Variants in EHMT1 observed in about 807,000 individuals in gnomAD.
EHMT1 encodes the protein histone-lysine N-methyltransferase EHMT1.
A neutral mutation model predicts 147.2 loss-of-function variants in EHMT1; 15 were observed. That is an observed-to-expected ratio of 0.10 (90% CI 0.07 to 0.16). EHMT1 has a LOEUF of 0.16. Among genes scored for constraint, EHMT1 ranks in the 10% least tolerant of loss-of-function variants. EHMT1 has a pLI of 1.00. For missense variants in EHMT1, 1,587 were observed against 1,772.4 expected (o/e 0.90, Z 1.88); for synonymous variants, 795 against 709.6 (o/e 1.12, Z -1.91).
At chr9:137,710,297 C>T (rs2135374108) in intron 1 of EHMT1, among the ~76,000 whole-genome samples, 1 of 152,236 alleles carries the variant, frequency 6.6e-6, no homozygotes, top group South Asian at 2.1e-4. Context: ...CATGGCGAAA[C>T]CCCCATCTCT....
In EHMT1 at chr9:137,813,658, C is replaced by T; in HGVS notation, c.3180+128C>T. The T allele has an allele frequency of 7.4e-7, 1 of 1,355,230 alleles. No homozygotes were observed. Among genetic ancestry groups the T allele is most frequent in the Non-Finnish European group, 1.0e-6 (1 of 979,708 alleles). 84.0% of individuals were successfully genotyped at this position (1,355,230 alleles called of 1,614,324 possible). On this transcript the variant is annotated intron_variant, in intron 21 of 26. Coordinates refer to ENST00000460843, the MANE Select transcript of EHMT1 (RefSeq NM_024757.5). This position sits in a 1 kb window ranked among gnomAD's most constrained non-coding sequence, Gnocchi z 4.9. Reference sequence around the variant, plus strand: ...CTTATGGGGGGCTTCCCAGGAAGACCTCATTCTCTTTGTAGTTGCCTCCCG... The same window carrying T: ...CTTATGGGGGGCTTCCCAGGAAGACTTCATTCTCTTTGTAGTTGCCTCCCG...
Position 137,776,698 on chromosome 9 carries a change from C to T in EHMT1, c.1872C>T (p.Ala624=). The T allele has an allele frequency of 6.2e-7, 1 of 1,614,108 alleles. No homozygotes were observed. Among genetic ancestry groups the T allele is most frequent in the South Asian group, 1.1e-5 (1 of 91,082 alleles). The change falls in exon 12 of 27, where the codon GCC becomes GCT. Residue 624 remains alanine (A), a synonymous_variant. Coordinates refer to ENST00000460843, the MANE Select transcript of EHMT1 (RefSeq NM_024757.5). The surrounding 1 kb of genome is among the most constrained non-coding windows in gnomAD (Gnocchi z 4.4). ...ACTGTGCCTCTCGAGTCAATAACGCCAGCTATTGTCCCCACTGTGGGGAGG... is the reference window on the plus strand; with the variant it reads ...ACTGTGCCTCTCGAGTCAATAACGCTAGCTATTGTCCCCACTGTGGGGAGG... ...HKDCASRVNN[A]SYCPHCGEES... is the part of the protein sequence containing the mutation.
At chr9:137,730,812 G>A (rs907520551) in intron 4 of EHMT1, among the ~76,000 whole-genome samples, 9 of 152,216 alleles carry the variant, frequency 5.9e-5, no homozygotes, top group African/African-American at 1.9e-4. Flanking sequence ...TCCCAGGGCC[G>A]GAATCGGCTT....
At chr9:137,777,086 C>A (rs781218986) in intron 12 of EHMT1, 18 of 494,706 alleles carry the variant, frequency 3.6e-5, no homozygotes, top group Non-Finnish European at 2.2e-5. Flanking sequence ...TTTCACAGCA[C>A]CCCCATTGAT....
intron 1 of EHMT1, among the ~76,000 whole-genome samples, chr9:137,647,060 T>C (rs1417773363): frequency 6.6e-6 from 1 of 152,188 alleles, no homozygotes; most frequent in Non-Finnish European, 1.5e-5. Context: ...AACCTGGGAT[T>C]AGTTGTCTCC....
chr9:137,683,004 T>G (rs1376852657), intron 1 of EHMT1, among the ~76,000 whole-genome samples: 1 of 152,244 alleles, frequency 6.6e-6, no homozygotes, highest in Non-Finnish European at 1.5e-5. Context: ...ACTCTGGGTT[T>G]GCAGGATTTT....
intron 4 of EHMT1, among the ~76,000 whole-genome samples, chr9:137,736,188 T>C (rs555874272): frequency 6.6e-6 from 1 of 152,318 alleles, no homozygotes; most frequent in African/African-American, 2.4e-5. Flanking sequence ...ATTTATTTCT[T>C]TTTAAATAAA....
At chr9:137,709,835 A>T (rs1486531507) in intron 1 of EHMT1, among the ~76,000 whole-genome samples, 5 of 151,264 alleles carry the variant, frequency 3.3e-5, no homozygotes. Context: ...CTATTTTATC[A>T]CTCTGACCCG....
At chr9:137,627,551 C>T (rs917061018) in intron 1 of EHMT1, among the ~76,000 whole-genome samples, 4 of 151,892 alleles carry the variant, frequency 2.6e-5, no homozygotes, top group East Asian at 1.9e-4. Context: ...AGGCGTGAGC[C>T]GCTGCGCCCG....
Position 137,779,620 on chromosome 9 carries a change from T to G in EHMT1, c.2193-15T>G. On this transcript the variant is annotated splice_polypyrimidine_tract_variant and intron_variant, in intron 13 of 26. Transcript: ENST00000460843. ...GCAGAGCCCCATGCTGACTGTTGTCTTGTGCTTCCCACAGACCCAAGAAGC... is the reference window on the plus strand; with the variant it reads ...GCAGAGCCCCATGCTGACTGTTGTCGTGTGCTTCCCACAGACCCAAGAAGC... 6.2e-7 allele frequency: 1 copy of G among 1,613,708 alleles called. No homozygotes were observed. The highest frequency in any genetic ancestry group is 8.5e-7 in the Non-Finnish European group (1 of 1,180,014).
chr9:137,814,310 T>C (rs1248772802), intron 21 of EHMT1, 121 bp from the exon 22 acceptor site: 3 of 1,040,964 alleles, frequency 2.9e-6, no homozygotes, highest in Non-Finnish European at 4.5e-6. Flanking sequence ...ACTCACGTGG[T>C]GCCTTTGAGA....
intron 14 of EHMT1, 60 bp downstream of exon 14, chr9:137,779,777 G>A (rs1324683314): frequency 1.1e-5 from 18 of 1,578,820 alleles, no homozygotes; most frequent in Middle Eastern, 1.7e-4. Flanking sequence ...GAAAGAAGCC[G>A]AGAGCAGTTG....
intron 15 of EHMT1, chr9:137,784,053 G>A (rs1951768415): frequency 2.3e-6 from 2 of 861,542 alleles, no homozygotes; most frequent in East Asian, 5.4e-5. Context: ...CTAGCTATAA[G>A]AGAATACTTG....
chr9:137,795,550 C>T (rs1001608271), intron 16 of EHMT1, among the ~76,000 whole-genome samples: 10 of 152,166 alleles, frequency 6.6e-5, no homozygotes, highest in Non-Finnish European at 1.3e-4. Flanking sequence ...AATTGAGGTA[C>T]CTGGAGAAAA....
chr9:137,681,634 C>A (rs1000100192), intron 1 of EHMT1, among the ~76,000 whole-genome samples: 3 of 152,090 alleles, frequency 2.0e-5, no homozygotes, highest in African/African-American at 7.2e-5. Flanking sequence ...TTCCCTTGTC[C>A]CCAGGAAGCC....
intron 1 of EHMT1, among the ~76,000 whole-genome samples, chr9:137,705,756 C>CT (rs1944213530): frequency 6.6e-6 from 1 of 152,190 alleles, no homozygotes; most frequent in Non-Finnish European, 1.5e-5. Flanking sequence ...GTAGGCACTG[C>CT]ACTCAGTCTC....
intron 1 of EHMT1, among the ~76,000 whole-genome samples, chr9:137,642,789 A>T (rs551095462): frequency 6.6e-6 from 1 of 152,252 alleles, no homozygotes; most frequent in Non-Finnish European, 1.5e-5. Context: ...GAGAAAAAAC[A>T]AATTATAAAT....
chr9:137,701,601 G>T (rs1382582921), intron 1 of EHMT1, among the ~76,000 whole-genome samples: 1 of 149,974 alleles, frequency 6.7e-6, no homozygotes, highest in Admixed American at 6.7e-5. Flanking sequence ...TGGGATTACA[G>T]GTGGGCGCCA....
intron 8 of EHMT1, among the ~76,000 whole-genome samples, chr9:137,755,173 C>A (rs1384466823): frequency 1.3e-5 from 2 of 152,236 alleles, no homozygotes; most frequent in South Asian, 2.1e-4. Context: ...TCACCACAGT[C>A]AGATGATCAG....
Sources: gnomAD v4.1 joint callset for allele counts (sites outside exome capture counted in the v4.1 genomes callset) on GRCh38, gnomAD v4.1.1 for gene constraint, Gnocchi (gnomAD v3.1) non-coding constraint, MANE v1.5 for transcripts, NCBI Gene and HGNC (gene_info 2026-07-23, HGNC 2026-07-21) for gene names.